PLAC1: variants seen among roughly 807,000 people sequenced by gnomAD.
The protein encoded by PLAC1 is placenta-specific protein 1.
For synonymous variants in PLAC1, 68 were observed against 62.1 expected (o/e 1.09, Z -0.44); for missense variants, 136 against 163.2 (o/e 0.83, Z 0.91).
chrX:134,596,632 T>C (rs2078063426), intron 2 of PLAC1, among the ~76,000 whole-genome samples: 1 of 111,673 alleles, frequency 9.0e-6, no homozygotes. Flanking sequence ...CCTCACTCTG[T>C]GACTCAGGCT....
chrX:134,732,828 G>A (rs1254387825), intron 2 of PLAC1, among the ~76,000 whole-genome samples: 1 of 112,214 alleles, frequency 8.9e-6, no homozygotes, highest in East Asian at 2.8e-4. Context: ...CATTGTTTTT[G>A]TGGGCATCAA....
rs774793306 is a variant in PLAC1 at position 134,684,997 on chromosome X, A to G, written n.174+48438T>C. Among the ~76,000 whole-genome samples the G allele has an allele frequency of 1.5e-3, 166 of 112,350 alleles. 1 individual carries two copies. Among genetic ancestry groups the G allele is most frequent in the Non-Finnish European group, 2.4e-3 (128 of 53,261 alleles). ...TATTCATGGCAAAAGGTGGTAAAGG[A>G]GAATAAATGGCTTTTCCCTGTCTTG... On this transcript the variant is annotated intron_variant and non_coding_transcript_variant, in intron 2 of 2. Transcript: ENST00000466797.
intron 1 of PLAC1, among the ~76,000 whole-genome samples, chrX:134,639,504 C>T (rs1294790638): frequency 8.9e-6 from 1 of 111,762 alleles, no homozygotes; most frequent in Non-Finnish European, 1.9e-5. Context: ...AGCTAGTCTA[C>T]CCTTCCCACA....
At chrX:134,697,127 T>G (rs903187325) in intron 2 of PLAC1, among the ~76,000 whole-genome samples, 38 of 111,269 alleles carry the variant, frequency 3.4e-4, no homozygotes, top group Admixed American at 1.6e-3. Flanking sequence ...CTGTTGACCT[T>G]CACTCCTAGT....
At chrX:134,692,358 G>A (rs1180243806) in intron 2 of PLAC1, among the ~76,000 whole-genome samples, 1 of 111,656 alleles carries the variant, frequency 9.0e-6, no homozygotes, top group East Asian at 2.8e-4. Flanking sequence ...TCTGGGCTCT[G>A]AGGAAGCTGG....
At chrX:134,581,117 G>A (rs2077971932) in intron 2 of PLAC1, among the ~76,000 whole-genome samples, 1 of 111,428 alleles carries the variant, frequency 9.0e-6, no homozygotes, top group African/African-American at 3.3e-5. Flanking sequence ...AAAAAGAATG[G>A]GCTTCTCTTG....
At position 134,711,528 on chromosome X, in the gene PLAC1, C is replaced by T. The variant is rs186965429; in HGVS notation, n.174+21907G>A. On this transcript the variant is annotated intron_variant and non_coding_transcript_variant, in intron 2 of 2. Coordinates refer to the PLAC1 transcript ENST00000466797. Reference sequence around the variant, plus strand: ...AACTCCACTAGTTGTTTAAACTGCTCAAATCTTTCTTCAGCCACAGTTTTT... The same window carrying T: ...AACTCCACTAGTTGTTTAAACTGCTTAAATCTTTCTTCAGCCACAGTTTTT... Among the ~76,000 whole-genome samples the T allele has an allele frequency of 2.0e-3, 220 of 112,302 alleles. 5 individuals are homozygous for T. Among genetic ancestry groups the T allele is most frequent in the Admixed American group, 0.019 (205 of 10,561 alleles).
At chrX:134,570,098 CGGATTACA>C (rs1279546305) in intron 2 of PLAC1, among the ~76,000 whole-genome samples, 1 of 111,668 alleles carries the variant, frequency 9.0e-6, no homozygotes, top group Non-Finnish European at 1.9e-5. Flanking sequence ...CCAAAGTGCT[CGGATTACA>C]GGATTACAGG....
At chrX:134,598,326 C>T (rs749345071) in intron 2 of PLAC1, among the ~76,000 whole-genome samples, 4 of 112,095 alleles carry the variant, frequency 3.6e-5, no homozygotes, top group Non-Finnish European at 7.5e-5. Context: ...GTGACAGATT[C>T]CTTGAGTCTG....
At chrX:134,718,927 G>A (rs1183740516) in intron 2 of PLAC1, among the ~76,000 whole-genome samples, 1 of 111,798 alleles carries the variant, frequency 8.9e-6, no homozygotes. Context: ...GTGTGGGACA[G>A]GCTGCTGACT....
At chrX:134,585,336 G>T (rs1005769705) in intron 2 of PLAC1, among the ~76,000 whole-genome samples, 4 of 110,383 alleles carry the variant, frequency 3.6e-5, no homozygotes, top group Admixed American at 9.7e-5. Context: ...GACAGAGTGA[G>T]ACTCTGTCTC....
intron 1 of PLAC1, among the ~76,000 whole-genome samples, chrX:134,620,946 C>T (rs1285286327): frequency 9.0e-6 from 1 of 111,699 alleles, no homozygotes; most frequent in Admixed American, 9.5e-5. Flanking sequence ...AAAGTATTTA[C>T]TGAATCAGAA....
chrX:134,714,188 G>C (rs1204536365), intron 2 of PLAC1, among the ~76,000 whole-genome samples: 4 of 111,788 alleles, frequency 3.6e-5, no homozygotes, highest in Non-Finnish European at 7.5e-5. Context: ...GCTCACCTAG[G>C]GATGGAGCCT....
intron 2 of PLAC1, among the ~76,000 whole-genome samples, chrX:134,595,191 T>G (rs915050065): frequency 2.7e-5 from 3 of 111,318 alleles, no homozygotes; most frequent in African/African-American, 3.3e-5. Flanking sequence ...CTGTTATTAA[T>G]TTCTAATTTG....
chrX:134,737,247 C>T (rs1052341026), intron 1 of PLAC1, among the ~76,000 whole-genome samples: 12 of 112,339 alleles, frequency 1.1e-4, no homozygotes, highest in Non-Finnish European at 5.6e-5. Flanking sequence ...AACACTCAGA[C>T]AAAGCTGCAA....
At chrX:134,685,782 A>AT (rs1165887427) in intron 2 of PLAC1, among the ~76,000 whole-genome samples, 5 of 111,101 alleles carry the variant, frequency 4.5e-5, no homozygotes, top group Non-Finnish European at 1.9e-5. Context: ...TGTAACTGAT[A>AT]TTTTTTCTTG....
chrX:134,650,360 G>A (rs1301024949), intron 1 of PLAC1, among the ~76,000 whole-genome samples: 1 of 111,735 alleles, frequency 8.9e-6, no homozygotes, highest in Admixed American at 9.5e-5. Context: ...ACAACACGGT[G>A]ACAGCAGCAC....
chrX:134,579,487 T>C (rs1460967760), intron 2 of PLAC1, among the ~76,000 whole-genome samples: 3 of 112,112 alleles, frequency 2.7e-5, no homozygotes, highest in Non-Finnish European at 5.6e-5. Flanking sequence ...CAGTGTCTGA[T>C]GGCTGAGTTT....
intron 2 of PLAC1, among the ~76,000 whole-genome samples, chrX:134,593,030 T>C (rs2078047035): frequency 9.0e-6 from 1 of 111,177 alleles, no homozygotes; most frequent in Non-Finnish European, 1.9e-5. Context: ...CCCAGCGCTG[T>C]GTCTCTTTTT....
Sources: gnomAD v4.1 joint callset for allele counts (sites outside exome capture counted in the v4.1 genomes callset) on GRCh38, gnomAD v4.1.1 for gene constraint, MANE v1.5 for transcripts, NCBI Gene and HGNC (gene_info 2026-07-23, HGNC 2026-07-21) for gene names.